The following CHM variants were observed in gnomAD, a reference collection of about 807,000 sequenced individuals.
CHM encodes the protein CHM Rab escort protein.
Under a neutral mutation model 49.0 loss-of-function variants are expected in CHM, and 10 were observed. That is an observed-to-expected ratio of 0.20 (90% confidence interval 0.13 to 0.35). The LOEUF (loss-of-function observed/expected upper bound fraction) is 0.35. CHM is among the 10% of genes least tolerant of loss of function. The pLI is 1.00. For synonymous variants in CHM, 184 were observed against 167.5 expected (o/e 1.10, Z -0.76); for missense variants, 455 against 478.4 (o/e 0.95, Z 0.46).
At chrX:85,884,872 T>C (rs1924993041) in intron 12 of CHM, among the ~76,000 whole-genome samples, 1 of 111,069 alleles carries the variant, frequency 9.0e-6, no homozygotes, top group African/African-American at 3.3e-5. Context: ...AAAAAAGTGG[T>C]TGAGAAGTTG....
chrX:85,986,199 T>C (rs981611903), intron 2 of CHM, among the ~76,000 whole-genome samples: 5 of 111,406 alleles, frequency 4.5e-5, no homozygotes, highest in African/African-American at 1.6e-4. Flanking sequence ...TGGACTGCTC[T>C]CACTGAGCAA....
At chrX:85,922,124 C>A (rs2148184279) in intron 8 of CHM, among the ~76,000 whole-genome samples, 1 of 112,091 alleles carries the variant, frequency 8.9e-6, no homozygotes, top group East Asian at 2.8e-4. Flanking sequence ...TGCAGTTTTA[C>A]TATATACTGT....
chrX:85,982,656 ACT>A (rs774569791), intron 2 of CHM, among the ~76,000 whole-genome samples: 1 of 110,571 alleles, frequency 9.0e-6, no homozygotes, highest in African/African-American at 3.3e-5. Flanking sequence ...GCACTTACTG[ACT>A]CTGTATGATG....
intron 13 of CHM, among the ~76,000 whole-genome samples, chrX:85,876,680 G>A (rs1349743173): frequency 9.0e-6 from 1 of 111,463 alleles, no homozygotes; most frequent in Non-Finnish European, 1.9e-5. Context: ...AGGCCTATGT[G>A]TCAGTGAAAA....
chrX:85,870,415 T>C (rs931890303), intron 14 of CHM, among the ~76,000 whole-genome samples: 2 of 112,184 alleles, frequency 1.8e-5, no homozygotes, highest in African/African-American at 6.5e-5. Flanking sequence ...GGGCTGTATA[T>C]CAAACGTCGT....
chrX:85,991,781 G>A (rs958419394), intron 2 of CHM, among the ~76,000 whole-genome samples: 10 of 110,794 alleles, frequency 9.0e-5, no homozygotes, highest in Non-Finnish European at 1.5e-4. Flanking sequence ...TATATTAAAG[G>A]ATTAGGGCTT....
rs1930085251 is a variant in CHM at position 85,957,893 on chromosome X, A to G, written c.902T>C (p.Phe301Ser). Residue 301 changes from phenylalanine (F) to serine (S), a missense_variant, in exon 7 of 15, where the codon TTT (phenylalanine) becomes TCT (serine). Transcript: ENST00000357749. ...AGGATATTTCTCATATTCCATACAA[A>G]ATGTAAGAAATTTCATTAGCATTCG... The part of the protein sequence containing the change: ...EKRMLMKFLT[F>S]CMEYEKYPDE... 8.3e-7 allele frequency: 1 copy of G among 1,208,062 alleles called. No individual in the cohort carries two copies. The highest frequency in any genetic ancestry group is 1.7e-5 in the African/African-American group (1 of 57,149).
chrX:85,971,906 T>G (rs1006883285), intron 4 of CHM, among the ~76,000 whole-genome samples: 2 of 89,014 alleles, frequency 2.2e-5, no homozygotes, highest in African/African-American at 8.4e-5. Flanking sequence ...GATTGGTGCA[T>G]TCACAAACCT....
intron 8 of CHM, among the ~76,000 whole-genome samples, chrX:85,931,931 G>A (rs1928459373): frequency 8.9e-6 from 1 of 112,376 alleles, no homozygotes; most frequent in Non-Finnish European, 1.9e-5. Flanking sequence ...GTGCTTTGCT[G>A]CTTTCAGTGT....
At chrX:85,870,459 T>G (rs1407414172) in intron 14 of CHM, among the ~76,000 whole-genome samples, 1 of 112,116 alleles carries the variant, frequency 8.9e-6, no homozygotes, top group Admixed American at 9.5e-5. Flanking sequence ...AAAACAATGC[T>G]CTAAATGGTG....
In CHM at chrX:85,922,891, A is replaced by G. The variant is rs986311354; in HGVS notation, c.1167-11553T>C. ...AAAGCCTTCAAATGAGTGTTCCACT[A>G]CAACATAGCCTCATTCACAATGATC... is the stretch of plus-strand genomic sequence containing the variant. On this transcript the variant is annotated intron_variant, in intron 8 of 14. Transcript: ENST00000357749. Among the ~76,000 whole-genome samples the G allele has an allele frequency of 4.5e-5, 5 of 112,197 alleles. No homozygotes were observed. In the South Asian group the frequency reaches 1.9e-3, roughly 42 times the overall value.
intron 2 of CHM, among the ~76,000 whole-genome samples, chrX:86,015,935 C>T (rs769284302): frequency 4.5e-5 from 5 of 111,561 alleles, no homozygotes; most frequent in South Asian, 7.6e-4. Context: ...GAGTTTGAGG[C>T]CAGCCTGGCC....
chrX:85,936,988 C>G (rs1928814202), intron 8 of CHM, among the ~76,000 whole-genome samples: 1 of 111,302 alleles, frequency 9.0e-6, no homozygotes. Context: ...CTGTGCAGGC[C>G]GGGTGCAGTG....
At chrX:85,935,672 T>A (rs975323503) in intron 8 of CHM, among the ~76,000 whole-genome samples, 1 of 112,282 alleles carries the variant, frequency 8.9e-6, no homozygotes, top group Non-Finnish European at 1.9e-5. Context: ...AATAGAATCT[T>A]ATAGGAACAC....
chrX:86,000,269 GAA>G (rs11299180), intron 2 of CHM, among the ~76,000 whole-genome samples: 147 of 72,604 alleles, frequency 2.0e-3, no homozygotes, highest in South Asian at 0.013. Flanking sequence ...AAGTCTTCCT[GAA>G]AAAAAAAAAA....
chrX:85,897,551 C>T (rs1038202115), intron 11 of CHM, among the ~76,000 whole-genome samples: 10 of 109,310 alleles, frequency 9.1e-5, no homozygotes, highest in Admixed American at 5.0e-4. Context: ...AGGACTACTG[C>T]GCGTGGTGGA....
At chrX:85,997,937 G>A (rs1603274332) in intron 2 of CHM, among the ~76,000 whole-genome samples, 1 of 109,492 alleles carries the variant, frequency 9.1e-6, no homozygotes. Context: ...GCCATAGAGC[G>A]AGACTCCGTC....
intron 2 of CHM, among the ~76,000 whole-genome samples, chrX:86,005,673 T>C (rs757263856): frequency 1.8e-5 from 2 of 111,834 alleles, no homozygotes; most frequent in Admixed American, 9.5e-5. Context: ...AAGAAATGGA[T>C]AAATTCCTCG....
intron 14 of CHM, among the ~76,000 whole-genome samples, chrX:85,871,988 T>C (rs1924102077): frequency 8.9e-6 from 1 of 112,060 alleles, no homozygotes; most frequent in Admixed American, 9.5e-5. Flanking sequence ...GAAGGAATGA[T>C]GGATGAGAGA....
Sources: gnomAD v4.1 joint callset for allele counts (sites outside exome capture counted in the v4.1 genomes callset) on GRCh38, gnomAD v4.1.1 for gene constraint, MANE v1.5 for transcripts, NCBI Gene and HGNC (gene_info 2026-07-23, HGNC 2026-07-21) for gene names.